DIRAS2: variants seen among roughly 807,000 people sequenced by gnomAD.
DIRAS2 encodes DIRAS family GTPase 2.
In DIRAS2, 5 loss-of-function variants were observed where a neutral mutation model predicts 13.9. The observed-to-expected ratio is 0.36, with a 90% confidence interval of 0.19 to 0.76. DIRAS2 has a LOEUF of 0.76. Ranked by LOEUF, DIRAS2 falls within the 30% of genes least tolerant of loss-of-function variation. The pLI is 0.53. For missense variants in DIRAS2, 191 were observed against 263.0 expected (o/e 0.73, Z 1.89); for synonymous variants, 111 against 105.4 (o/e 1.05, Z -0.33).
chr9:90,628,025 T>TA (rs1364689641), intron 1 of DIRAS2, among the ~76,000 whole-genome samples: 6 of 133,222 alleles, frequency 4.5e-5, no homozygotes, highest in Non-Finnish European at 8.8e-5. Context: ...ATTTAAAATT[T>TA]AAAAAAAAGA....
At chr9:90,634,249 T>C (rs1321223257) in intron 1 of DIRAS2, among the ~76,000 whole-genome samples, 2 of 152,064 alleles carry the variant, frequency 1.3e-5, no homozygotes, top group East Asian at 1.9e-4. Context: ...AGGAAGACAA[T>C]GAACCAGGGG....
intron 1 of DIRAS2, among the ~76,000 whole-genome samples, chr9:90,628,480 A>G (rs1035560180): frequency 3.3e-5 from 5 of 151,982 alleles, no homozygotes; most frequent in African/African-American, 4.8e-5. Context: ...GTGAGAATGT[A>G]AAACTGGATA....
chr9:90,627,486 G>A (rs1564021091), intron 1 of DIRAS2, among the ~76,000 whole-genome samples: 1 of 152,190 alleles, frequency 6.6e-6, no homozygotes, highest in Non-Finnish European at 1.5e-5. Flanking sequence ...CAAATTCACA[G>A]AGAGAAATAA....
At chr9:90,630,675 G>A (rs1243013454) in intron 1 of DIRAS2, among the ~76,000 whole-genome samples, 2 of 152,290 alleles carry the variant, frequency 1.3e-5, no homozygotes, top group Admixed American at 6.5e-5. Context: ...ATCAAGGTGC[G>A]TATTTTTCTT....
chr9:90,617,649 G>A (rs1205567524), intron 1 of DIRAS2, among the ~76,000 whole-genome samples: 1 of 152,144 alleles, frequency 6.6e-6, no homozygotes, highest in Non-Finnish European at 1.5e-5. Flanking sequence ...ATGCAGATAA[G>A]GGGTTCATAA....
intron 1 of DIRAS2, among the ~76,000 whole-genome samples, chr9:90,620,681 A>C (rs1239882651): frequency 6.6e-6 from 1 of 151,888 alleles, no homozygotes; most frequent in Non-Finnish European, 1.5e-5. Flanking sequence ...GCTTGAACCC[A>C]GGAGCAGAGA....
chr9:90,626,180 CAAAAAAAA>C (rs59003707), intron 1 of DIRAS2: 1 of 101,770 alleles, frequency 9.8e-6, no homozygotes, highest in East Asian at 3.4e-4. Flanking sequence ...GAGACTCTGT[CAAAAAAAA>C]AAAAAAAAAA....
chr9:90,635,938 C>T (rs1372960290), intron 1 of DIRAS2, among the ~76,000 whole-genome samples: 1 of 151,466 alleles, frequency 6.6e-6, no homozygotes, highest in African/African-American at 2.4e-5. Context: ...CCTTCTGCCC[C>T]GAACATAGCT....
intron 1 of DIRAS2, among the ~76,000 whole-genome samples, chr9:90,629,665 T>G (rs1303207833): frequency 2.0e-5 from 3 of 152,236 alleles, no homozygotes; most frequent in Non-Finnish European, 4.4e-5. Flanking sequence ...GGAGTAGTAC[T>G]TGCCTATAAC....
rs536369980 is a variant in DIRAS2, at chr9:90,635,183, G to A, written c.-37+7569C>T. On this transcript the variant is annotated intron_variant, in intron 1 of 1. Transcript: ENST00000375765. ...CACAAGAGCCTAGGGGACCAGAAAC[G>A]TGGTCTAGGCTTCGGTTAAAACAAG... 2.0e-5 allele frequency among the ~76,000 whole-genome samples: 3 copies of A among 152,302 alleles called. No individual in the cohort carries two copies. In the East Asian group the frequency reaches 5.8e-4, roughly 29 times the overall value.
intron 1 of DIRAS2, among the ~76,000 whole-genome samples, chr9:90,635,895 T>G (rs1825365498): frequency 1.3e-5 from 2 of 152,214 alleles, no homozygotes; most frequent in South Asian, 4.1e-4. Context: ...AGGTCTGGGT[T>G]CCATCTGCAG....
chr9:90,633,264 C>T (rs1166924559), intron 1 of DIRAS2, among the ~76,000 whole-genome samples: 2 of 152,146 alleles, frequency 1.3e-5, no homozygotes, highest in Non-Finnish European at 2.9e-5. Flanking sequence ...ATTATGGTGA[C>T]ATCAACAGCA....
chr9:90,625,098 C>A (rs956163479), intron 1 of DIRAS2, among the ~76,000 whole-genome samples: 2 of 152,134 alleles, frequency 1.3e-5, no homozygotes, highest in Non-Finnish European at 2.9e-5. Flanking sequence ...AGCATGCTAA[C>A]CTCTGCAGGG....
rs183306807 is a variant in DIRAS2, at chr9:90,639,198, C to T, written c.-37+3554G>A. Among the ~76,000 whole-genome samples the T allele has an allele frequency of 2.6e-5, 4 of 152,276 alleles. No individual in the cohort carries two copies. In the East Asian group the frequency reaches 7.7e-4, roughly 29 times the overall value. ...GGAAATTGTACCCACCCCACGAGCA[C>T]TCACTGATCATGGAGGTGTTCAGGG... On this transcript the variant is annotated intron_variant, in intron 1 of 1. Transcript: ENST00000375765.
chr9:90,640,125 T>G (rs186580886), intron 1 of DIRAS2, among the ~76,000 whole-genome samples: 289 of 152,342 alleles, frequency 1.9e-3, no homozygotes, highest in African/African-American at 6.5e-3. Flanking sequence ...CTGGCTTAAC[T>G]ATATCATTAA....
chr9:90,631,617 C>T (rs1449406513), intron 1 of DIRAS2, among the ~76,000 whole-genome samples: 1 of 152,074 alleles, frequency 6.6e-6, no homozygotes, highest in Non-Finnish European at 1.5e-5. Flanking sequence ...CTAGCTCGCC[C>T]ATGAGAGAGC....
At chr9:90,619,685 C>G (rs556745617) in intron 1 of DIRAS2, among the ~76,000 whole-genome samples, 1 of 152,250 alleles carries the variant, frequency 6.6e-6, no homozygotes, top group East Asian at 1.9e-4. Context: ...CCCAGCAATT[C>G]CCCTCCTTTG....
chr9:90,613,409 G>T lies in DIRAS2; in HGVS notation c.419C>A (p.Ala140Asp). The change falls in exon 2 of 2, where the codon GCC (alanine) becomes GAC (aspartate). Residue 140 changes from alanine (A) to aspartate (D), a missense_variant. By Grantham distance (126) the Ala-to-Asp change is moderately radical. Transcript: ENST00000375765. The surrounding 1 kb of genome is among the most constrained non-coding windows in gnomAD (Gnocchi z 5.6). The part of the protein sequence containing the change: ...EVQSSEAEAL[A>D]RTWKCAFMET... Reference sequence around the variant, plus strand: ...CATGAAGGCACACTTCCATGTGCGGGCCAAGGCCTCCGCCTCGCTGCTCTG... The same window carrying T: ...CATGAAGGCACACTTCCATGTGCGGTCCAAGGCCTCCGCCTCGCTGCTCTG... 1 of 1,614,110 alleles carries T rather than the reference G, an allele frequency of 6.2e-7. No homozygotes were observed.
chr9:90,624,921 C>T (rs1431908119), intron 1 of DIRAS2, among the ~76,000 whole-genome samples: 1 of 152,216 alleles, frequency 6.6e-6, no homozygotes, highest in Admixed American at 6.5e-5. Context: ...GCCCCCACAC[C>T]TGGCCGCTTA....
Sources: gnomAD v4.1 joint callset for allele counts (sites outside exome capture counted in the v4.1 genomes callset) on GRCh38, gnomAD v4.1.1 for gene constraint, Gnocchi (gnomAD v3.1) non-coding constraint, MANE v1.5 for transcripts, NCBI Gene and HGNC (gene_info 2026-07-23, HGNC 2026-07-21) for gene names.